The following CDKL5 variants were observed in gnomAD, a reference collection of about 807,000 sequenced individuals.
The protein encoded by CDKL5 is cyclin dependent kinase like 5.
CDKL5 carries 8 observed loss-of-function variants against 61.7 expected under a neutral mutation model. The observed-to-expected ratio is 0.13, with a 90% CI of 0.08 to 0.23. The LOEUF (loss-of-function observed/expected upper bound fraction) is 0.23, where lower values mean the gene tolerates loss of function less well. Among genes scored for constraint, CDKL5 ranks in the 10% least tolerant of loss-of-function variants. The pLI, the probability that CDKL5 is intolerant of heterozygous loss-of-function variation, is 1.00. For synonymous variants in CDKL5, 275 were observed against 272.3 expected, an observed-to-expected ratio of 1.01 and a Z score of -0.10; for missense variants, 440 against 734.5, an observed-to-expected ratio of 0.60 and a Z score of 4.63.
At chrX:18,642,122 A>G (rs1329035346), downstream of CDKL5, 1 of 1,211,934 alleles carries the variant, frequency 8.3e-7, no homozygotes, top group Non-Finnish European at 1.1e-6. Context: ...CAGGTTCTGA[A>G]CCGTGGAGGT....
intron 1 of CDKL5, among the ~76,000 whole-genome samples, chrX:18,450,861 C>T (rs1170710015): frequency 5.4e-5 from 6 of 110,146 alleles, no homozygotes; most frequent in Non-Finnish European, 9.5e-5. Flanking sequence ...AGGTGTGAGC[C>T]ACTGTGCCCG....
At chrX:18,554,224 T>TC (rs1345067294) in intron 3 of CDKL5, among the ~76,000 whole-genome samples, 4 of 106,651 alleles carry the variant, frequency 3.8e-5, no homozygotes, top group South Asian at 4.3e-4. Context: ...CTTCCCCCCA[T>TC]CCCATGACAG....
At chrX:18,650,770 C>T (rs1466212310) in intron 21 of CDKL5, among the ~76,000 whole-genome samples, 1 of 112,542 alleles carries the variant, frequency 8.9e-6, no homozygotes, top group East Asian at 2.8e-4. Flanking sequence ...AGCAGGCCTG[C>T]GTCCAGCCAA....
chrX:18,623,562 T>C (rs888534304), intron 16 of CDKL5, among the ~76,000 whole-genome samples: 3 of 112,247 alleles, frequency 2.7e-5, no homozygotes, highest in Non-Finnish European at 1.9e-5. Flanking sequence ...ATATTTCTGA[T>C]AGTAAGTAAA....
chrX:18,615,754 C>T (rs1926695680), intron 15 of CDKL5, among the ~76,000 whole-genome samples: 2 of 112,186 alleles, frequency 1.8e-5, no homozygotes, highest in South Asian at 3.7e-4. Context: ...TACCTAAGGT[C>T]AGTCTGTTTT....
chrX:18,560,607 A>G (rs965562585), intron 3 of CDKL5, among the ~76,000 whole-genome samples: 8 of 112,019 alleles, frequency 7.1e-5, no homozygotes, highest in Non-Finnish European at 1.5e-4. Context: ...TTTGCATACT[A>G]AGTACAAAAA....
At chrX:18,541,122 A>G (rs1924008354) in intron 3 of CDKL5, among the ~76,000 whole-genome samples, 2 of 112,166 alleles carry the variant, frequency 1.8e-5, no homozygotes, top group South Asian at 3.7e-4. Context: ...TTAGTTTTCA[A>G]AAGTTTCACT....
At chrX:18,428,218 A>G (rs976912873) in intron 1 of CDKL5, among the ~76,000 whole-genome samples, 1 of 112,356 alleles carries the variant, frequency 8.9e-6, no homozygotes, top group East Asian at 2.8e-4. Flanking sequence ...CCAGGAATCT[A>G]TGAGAGACTG....
intron 3 of CDKL5, chrX:18,534,929 C>G (rs138812648): frequency 8.9e-6 from 1 of 112,524 alleles, no homozygotes; most frequent in East Asian, 2.8e-4. Flanking sequence ...AGGTACCAAA[C>G]AGCAGCAGAC....
intron 1 of CDKL5, among the ~76,000 whole-genome samples, chrX:18,440,205 C>A (rs533602690): frequency 4.5e-5 from 5 of 112,187 alleles, no homozygotes; most frequent in African/African-American, 1.6e-4. Context: ...TTTCTCCAAG[C>A]CTGCTGCTGC....
At chrX:18,482,097 G>T (rs757642094) in intron 1 of CDKL5, among the ~76,000 whole-genome samples, 1 of 111,311 alleles carries the variant, frequency 9.0e-6, no homozygotes, top group Non-Finnish European at 1.9e-5. Context: ...ATATTGCTGC[G>T]TTTGCCCCAT....
chrX:18,546,376 C>G lies in CDKL5; in HGVS notation c.100-18101C>G, dbSNP rs978971625. On this transcript the variant is annotated intron_variant, in intron 3 of 17. Transcript: ENST00000623535. Reference sequence around the variant, plus strand: ...TCCCAGGTTCAAATGATTCTTCTGTCTCAGCCTCCCTAGTAGCTGGGATTA... The same window carrying G: ...TCCCAGGTTCAAATGATTCTTCTGTGTCAGCCTCCCTAGTAGCTGGGATTA... 5.7e-5 allele frequency among the ~76,000 whole-genome samples: 6 copies of G among 106,100 alleles called. No homozygotes were observed. In the East Asian group the frequency reaches 1.8e-3, roughly 32 times the overall value. 92.1% of individuals were successfully genotyped at this position (106,100 alleles called of 115,157 possible).
At chrX:18,581,848 A>C (rs1569214288) in intron 6 of CDKL5, 43 bp from the exon 7 acceptor site, 4 of 883,586 alleles carry the variant, frequency 4.5e-6, no homozygotes, top group Non-Finnish European at 6.7e-6. Flanking sequence ...TCAGGAGAAC[A>C]TAGAACATTT....
intron 10 of CDKL5, among the ~76,000 whole-genome samples, chrX:18,597,407 T>A (rs1166833381): frequency 1.8e-5 from 2 of 109,938 alleles, no homozygotes; most frequent in African/African-American, 6.6e-5. Context: ...GTCACCAAAA[T>A]TAATTCAAGC....
intron 15 of CDKL5, among the ~76,000 whole-genome samples, chrX:18,615,950 G>A (rs1333002677): frequency 8.9e-6 from 1 of 112,090 alleles, no homozygotes; most frequent in African/African-American, 3.2e-5. Flanking sequence ...AGAATCAGGA[G>A]ATAGCCAAAA....
chrX:18,628,785 C>T lies in CDKL5; in HGVS notation c.*28C>T. 1 of 753,020 alleles carries T rather than the reference C, an allele frequency of 1.3e-6. No individual in the cohort carries two copies. The highest frequency in any genetic ancestry group is 1.6e-6 in the Non-Finnish European group (1 of 640,018). The allele number at this position is 753,020 out of a possible 1,213,427, so 62.1% of individuals were successfully genotyped here. On this transcript the variant is annotated 3_prime_UTR_variant, in exon 18 of 18. Transcript: ENST00000623535. The stretch of plus-strand genomic sequence containing the variant: ...TGTGCTGGTAGGGGGGAGGGGTGGA[C>T]AGACAAGCCAGTGGGGAGGGGTGGG...
intron 21 of CDKL5, among the ~76,000 whole-genome samples, chrX:18,651,370 A>G (rs1407720638): frequency 9.1e-6 from 1 of 110,028 alleles, no homozygotes; most frequent in Non-Finnish European, 1.9e-5. Flanking sequence ...GACCTGGAAG[A>G]TCTAGGCCTC....
chrX:18,500,041 TTTG>T (rs1215179952), intron 1 of CDKL5, among the ~76,000 whole-genome samples: 1 of 111,799 alleles, frequency 8.9e-6, no homozygotes, highest in Non-Finnish European at 1.9e-5. Context: ...ACAGTTCAAG[TTTG>T]TCCAAGGGCT....
chrX:18,647,498 C>G lies in CDKL5; in HGVS notation c.2797+1408C>G, dbSNP rs994723464. 4.7e-5 allele frequency: 23 copies of G among 494,622 alleles called. No homozygotes were observed. The South Asian group carries it at 6.8e-4, about 15-fold the overall frequency. 40.8% of individuals were successfully genotyped at this position (494,622 alleles called of 1,213,427 possible). On this transcript the variant is annotated intron_variant, in intron 20 of 21. Transcript: ENST00000379989. ...GTACAGCTGTGTCTTCAACGGTTCA[C>G]TACTCACGCAAGAAAGGAATGAAGG...
Sources: gnomAD v4.1 joint callset for allele counts (sites outside exome capture counted in the v4.1 genomes callset) on GRCh38, gnomAD v4.1.1 for gene constraint, MANE v1.5 for transcripts, NCBI Gene and HGNC (gene_info 2026-07-23, HGNC 2026-07-21) for gene names.